ZFHX3: variants seen among roughly 807,000 people sequenced by gnomAD.
ZFHX3 encodes the protein zinc finger homeobox 3.
A neutral mutation model predicts 279.1 loss-of-function variants in ZFHX3; 42 were observed. That is an observed-to-expected ratio of 0.15 (90% CI 0.12 to 0.19). The LOEUF is 0.19. Ranked by LOEUF, ZFHX3 falls within the 10% of genes least tolerant of loss-of-function variation. The pLI, the probability that ZFHX3 is intolerant of heterozygous loss-of-function variation, is 1.00. For synonymous variants in ZFHX3, 2,293 were observed against 1,957.8 expected (o/e 1.17, Z -4.52); for missense variants, 4,981 against 4,754.0 (o/e 1.05, Z -1.40).
At chr16:73,084,393 C>A (rs1321997265) in intron 8 of ZFHX3, among the ~76,000 whole-genome samples, 3 of 151,834 alleles carry the variant, frequency 2.0e-5, no homozygotes, top group African/African-American at 7.3e-5. Flanking sequence ...AGTGAAGTTG[C>A]AGGATACACA....
At chr16:73,357,342 TGAGA>T (rs894283150) in intron 3 of ZFHX3, among the ~76,000 whole-genome samples, 3 of 149,848 alleles carry the variant, frequency 2.0e-5, no homozygotes, top group Non-Finnish European at 3.0e-5. Context: ...TAACAAAAAT[TGAGA>T]GAGAGAGAGA....
chr16:73,605,060 C>T (rs114182304), intron 2 of ZFHX3, among the ~76,000 whole-genome samples: 5 of 152,164 alleles, frequency 3.3e-5, no homozygotes, highest in African/African-American at 1.2e-4. Flanking sequence ...AACAAGACCA[C>T]ATTCTGCTTT....
At chr16:73,462,963 T>C (rs1314106279) in intron 2 of ZFHX3, among the ~76,000 whole-genome samples, 3 of 152,194 alleles carry the variant, frequency 2.0e-5, no homozygotes, top group African/African-American at 7.2e-5. Context: ...CTGGATGATA[T>C]TGAAATTGTG....
intron 2 of ZFHX3, among the ~76,000 whole-genome samples, chr16:72,952,642 A>C (rs1961051609): frequency 6.6e-6 from 1 of 152,196 alleles, no homozygotes; most frequent in African/African-American, 2.4e-5. Context: ...GTGAGACACG[A>C]GGCTCAGCTC....
At chr16:73,747,767 T>C (rs530023481) in intron 1 of ZFHX3, among the ~76,000 whole-genome samples, 19 of 152,292 alleles carry the variant, frequency 1.2e-4, no homozygotes, top group Non-Finnish European at 2.5e-4. Context: ...AAATTTAATA[T>C]TGCCAAAAGA....
At position 73,416,790 on chromosome 16, in the gene ZFHX3, C is replaced by T. The variant is rs1427376989; in HGVS notation, c.-1291+39213G>A. Among the ~76,000 whole-genome samples, 8 of 146,482 alleles carry T rather than the reference C, an allele frequency of 5.5e-5. 1 individual carries two copies. Among genetic ancestry groups the T allele is most frequent in the Admixed American group, 2.0e-4 (3 of 14,698 alleles). On this transcript the variant is annotated intron_variant, in intron 3 of 17. Coordinates refer to the ZFHX3 transcript ENST00000641206. ...CAGGGAGGCTGAAGCAGGAGAATGG[C>T]GTGAACTCGGGAGGCGGAGCCTGCA... is the stretch of plus-strand genomic sequence containing the variant.
At chr16:72,813,302 C>T (rs1353793228) in intron 5 of ZFHX3, among the ~76,000 whole-genome samples, 1 of 152,150 alleles carries the variant, frequency 6.6e-6, no homozygotes, top group East Asian at 1.9e-4. Flanking sequence ...CCCTGTTAAA[C>T]TGCTTTCTGT....
intron 2 of ZFHX3, among the ~76,000 whole-genome samples, chr16:73,604,510 T>C (rs4887864): frequency 0.58 from 87,975 of 151,662 alleles, 27,266 homozygotes; most frequent in East Asian, 0.82. Flanking sequence ...CTTTGGGAGG[T>C]TGAGGTGGGC....
At chr16:72,845,739 A>G (rs1035338697) in intron 4 of ZFHX3, among the ~76,000 whole-genome samples, 2 of 152,232 alleles carry the variant, frequency 1.3e-5, no homozygotes, top group Non-Finnish European at 2.9e-5. Context: ...GAGCCTGATC[A>G]CAAAAACCAA....
At chr16:73,336,179 G>A (rs113427365) in intron 3 of ZFHX3, among the ~76,000 whole-genome samples, 3,213 of 152,274 alleles carry the variant, frequency 0.021, 118 homozygotes, top group African/African-American at 0.072. Flanking sequence ...ATTAACCTGC[G>A]AAGCACCAGG....
chr16:72,814,644 G>A (rs932499309), intron 5 of ZFHX3, among the ~76,000 whole-genome samples: 1 of 150,290 alleles, frequency 6.7e-6, no homozygotes, highest in Non-Finnish European at 1.5e-5. Flanking sequence ...AAACTGCTCT[G>A]GAATTCTAAA....
intron 2 of ZFHX3, among the ~76,000 whole-genome samples, chr16:73,580,604 T>C (rs2051851601): frequency 6.6e-6 from 1 of 151,912 alleles, no homozygotes; most frequent in South Asian, 2.1e-4. Flanking sequence ...AAACGCTTTT[T>C]TTTTGGTTTC....
chr16:73,431,556 T>C lies in ZFHX3; in HGVS notation c.-1291+24447A>G, dbSNP rs536225231. ...ACGCTGTCTCAAGAAAAAACAGTCT[T>C]CTGATTATAAAAGTACATATATATT... On this transcript the variant is annotated intron_variant, in intron 3 of 17. Transcript: ENST00000641206. 5.9e-5 allele frequency among the ~76,000 whole-genome samples: 9 copies of C among 152,210 alleles called. No individual in the cohort carries two copies. The East Asian group carries it at 1.7e-3, about 29-fold the overall frequency.
intron 1 of ZFHX3, among the ~76,000 whole-genome samples, chr16:73,890,939 T>A (rs2030514915): frequency 6.6e-6 from 1 of 151,772 alleles, no homozygotes. Context: ...ATCAACTGTG[T>A]GGTGCAGATC....
intron 3 of ZFHX3, among the ~76,000 whole-genome samples, chr16:73,397,547 T>C (rs2017155086): frequency 6.6e-6 from 1 of 152,052 alleles, no homozygotes; most frequent in Admixed American, 6.6e-5. Flanking sequence ...GGCGATGGCA[T>C]AGAAAACAGA....
chr16:73,415,133 T>G, intron 3 of ZFHX3, among the ~76,000 whole-genome samples: 1 of 152,306 alleles, frequency 6.6e-6, no homozygotes, highest in East Asian at 1.9e-4. Flanking sequence ...TTTTATTTTA[T>G]TTTTTTAAAA....
chr16:73,271,092 G>A lies in ZFHX3; in HGVS notation c.-1193-13956C>T, dbSNP rs113538326. 8.2e-3 allele frequency among the ~76,000 whole-genome samples: 1,251 copies of A among 152,278 alleles called. 8 individuals are homozygous for A. The highest frequency in any genetic ancestry group is 0.013 in the Non-Finnish European group (862 of 68,022). The stretch of plus-strand genomic sequence containing the variant: ...CAGAGGTTGTGATTTAATTTGTCTG[G>A]GGTGTGGCCCAGGCCCTGGCAATTT... On this transcript the variant is annotated intron_variant, in intron 4 of 17. Transcript: ENST00000641206.
chr16:73,284,872 T>C (rs2014554176), intron 4 of ZFHX3, among the ~76,000 whole-genome samples: 1 of 152,202 alleles, frequency 6.6e-6, no homozygotes, highest in East Asian at 1.9e-4. Flanking sequence ...AGACACGGTC[T>C]CTCCCTGTTG....
intron 1 of ZFHX3, among the ~76,000 whole-genome samples, chr16:72,988,092 T>C (rs1183351928): frequency 6.6e-6 from 1 of 152,218 alleles, no homozygotes; most frequent in Non-Finnish European, 1.5e-5. Flanking sequence ...AAGAACAATA[T>C]GGTCCACACT....
Sources: allele counts gnomAD v4.1 joint callset (sites outside exome capture counted in the v4.1 genomes callset), GRCh38; gene constraint gnomAD v4.1.1; transcripts MANE v1.5; gene names NCBI Gene and HGNC (gene_info 2026-07-23, HGNC 2026-07-21).